ICA1: variants seen among roughly 807,000 people sequenced by gnomAD.
The protein encoded by ICA1 is 69 kDa islet cell autoantigen.
ICA1 carries 40 observed loss-of-function variants against 71.0 expected under a neutral mutation model. The ratio of observed to expected loss-of-function variants is 0.56; its 90% confidence interval spans 0.44 to 0.73. The LOEUF (loss-of-function observed/expected upper bound fraction) is 0.73, where lower values mean the gene tolerates loss of function less well. Among genes scored for constraint, ICA1 ranks in the 30% least tolerant of loss-of-function variants. The pLI, the probability that ICA1 is intolerant of heterozygous loss-of-function variation, is 0.00. For missense variants in ICA1, 578 were observed against 576.5 expected (o/e 1.00, Z -0.03); for synonymous variants, 207 against 209.5 (o/e 0.99, Z 0.10).
At chr7:8,211,627 T>C (rs1160881405) in intron 6 of ICA1, among the ~76,000 whole-genome samples, 1 of 152,218 alleles carries the variant, frequency 6.6e-6, no homozygotes, top group Non-Finnish European at 1.5e-5. Context: ...ACAATGTAAA[T>C]ACATTGATCA....
intron 5 of ICA1, chr7:8,218,910 C>G: frequency 3.6e-6 from 1 of 280,732 alleles, no homozygotes. Context: ...ATCTCTCCGA[C>G]TAGGCCATTT....
intron 12 of ICA1, among the ~76,000 whole-genome samples, chr7:8,129,098 T>C (rs1790440136): frequency 6.6e-6 from 1 of 152,230 alleles, no homozygotes; most frequent in Admixed American, 6.5e-5. Flanking sequence ...ACAAGTAGCA[T>C]TACTATCAGA....
At chr7:8,114,142 T>C (rs553837270) in intron 13 of ICA1, 98 bp from the exon 14 acceptor site, 36 of 1,317,792 alleles carry the variant, frequency 2.7e-5, no homozygotes, top group South Asian at 3.6e-5. Flanking sequence ...CAAATGCAGA[T>C]TGTTCAATCA....
chr7:8,237,933 AAC>A (rs1802402312), intron 1 of ICA1, among the ~76,000 whole-genome samples: 1 of 152,120 alleles, frequency 6.6e-6, no homozygotes. Context: ...TGCTGCAATA[AAC>A]ACAGTATACA....
intron 1 of ICA1, among the ~76,000 whole-genome samples, chr7:8,252,485 T>C (rs1808515666): frequency 6.6e-6 from 1 of 152,182 alleles, no homozygotes; most frequent in African/African-American, 2.4e-5. Flanking sequence ...ATTGACTTTA[T>C]CATCTAAGAC....
chr7:8,194,573 T>C (rs910766858), intron 6 of ICA1, among the ~76,000 whole-genome samples: 1 of 152,200 alleles, frequency 6.6e-6, no homozygotes, highest in African/African-American at 2.4e-5. Flanking sequence ...AAAATGTTAC[T>C]TCTTCTTGAC....
intron 6 of ICA1, among the ~76,000 whole-genome samples, chr7:8,205,985 G>A (rs1242118763): frequency 6.6e-6 from 1 of 151,946 alleles, no homozygotes. Flanking sequence ...TCAAATAGCT[G>A]CCCCCTCCAC....
intron 6 of ICA1, among the ~76,000 whole-genome samples, chr7:8,171,261 GC>G (rs1388911960): frequency 6.6e-6 from 1 of 151,822 alleles, no homozygotes; most frequent in East Asian, 1.9e-4. Flanking sequence ...TATGAGTGAA[GC>G]CATATAGAAC....
intron 8 of ICA1, among the ~76,000 whole-genome samples, chr7:8,155,053 T>C (rs920108981): frequency 6.6e-6 from 1 of 152,232 alleles, no homozygotes; most frequent in Non-Finnish European, 1.5e-5. Flanking sequence ...TCTAATGTGA[T>C]ATGTCATCAT....
intron 6 of ICA1, among the ~76,000 whole-genome samples, chr7:8,215,578 T>C (rs1052430397): frequency 6.6e-6 from 1 of 152,212 alleles, no homozygotes; most frequent in African/African-American, 2.4e-5. Flanking sequence ...TACTGCTGTA[T>C]TCCCCTGGAT....
intron 1 of ICA1, among the ~76,000 whole-genome samples, chr7:8,244,459 AG>A (rs1805171814): frequency 6.6e-6 from 1 of 152,250 alleles, no homozygotes. Context: ...AAAACCCTAG[AG>A]GAAAACCTAG....
At chr7:8,240,220 C>CTGTTCTGCAATATTTGT (rs1455691768) in intron 1 of ICA1, among the ~76,000 whole-genome samples, 5 of 152,148 alleles carry the variant, frequency 3.3e-5, no homozygotes, top group African/African-American at 1.2e-4. Context: ...GCAATATTTG[C>CTGTTCTGCAATATTTGT]TGTTCTGCAA....
At chr7:8,189,335 T>C (rs562610513) in intron 6 of ICA1, among the ~76,000 whole-genome samples, 177 of 152,298 alleles carry the variant, frequency 1.2e-3, no homozygotes, top group African/African-American at 4.1e-3. Flanking sequence ...TACAATCCTA[T>C]TGTCTTACAG....
chr7:8,121,134 A>G (rs1366991571), intron 13 of ICA1, among the ~76,000 whole-genome samples: 3 of 152,194 alleles, frequency 2.0e-5, no homozygotes, highest in Admixed American at 6.5e-5. Flanking sequence ...GCCCTCAGTA[A>G]ACCTAAGCTG....
chr7:8,175,264 G>A (rs942024831), intron 6 of ICA1, among the ~76,000 whole-genome samples: 5 of 152,130 alleles, frequency 3.3e-5, no homozygotes, highest in Non-Finnish European at 7.3e-5. Flanking sequence ...AGGAAAAAGA[G>A]GGAAGAATCT....
At chr7:8,153,565 G>A (rs1010345871) in intron 8 of ICA1, among the ~76,000 whole-genome samples, 5 of 151,948 alleles carry the variant, frequency 3.3e-5, no homozygotes, top group South Asian at 2.1e-4. Context: ...TGACATCCTC[G>A]AAAGATGAAG....
intron 6 of ICA1, among the ~76,000 whole-genome samples, chr7:8,191,317 G>A (rs1242576150): frequency 6.6e-6 from 1 of 152,142 alleles, no homozygotes; most frequent in Non-Finnish European, 1.5e-5. Context: ...GATTTGCCAT[G>A]GTTTGATTTA....
chr7:8,163,860 C>A lies in ICA1; in HGVS notation c.580-5208G>T, dbSNP rs192377374. Among the ~76,000 whole-genome samples, 99 of 152,242 alleles carry A rather than the reference C, an allele frequency of 6.5e-4. 1 individual carries two copies. Among genetic ancestry groups the A allele is most frequent in the African/African-American group, 2.3e-3 (96 of 41,534 alleles). ...GTTGGGGCACATCCTGGAGCAGCACCTTGTTGGCGTGCTCAGGATTTTAAT... is the reference window on the plus strand; with the variant it reads ...GTTGGGGCACATCCTGGAGCAGCACATTGTTGGCGTGCTCAGGATTTTAAT... On this transcript the variant is annotated intron_variant, in intron 6 of 13. Coordinates refer to ENST00000402384, the MANE Select transcript of ICA1 (RefSeq NM_001136020.3).
rs910544212 is a variant in ICA1 at position 8,199,330 on chromosome 7, G to T, written c.579+18975C>A. Among the ~76,000 whole-genome samples, 174 of 152,110 alleles carry T rather than the reference G, an allele frequency of 1.1e-3. 3 individuals carry two copies. The highest frequency in any genetic ancestry group is 3.5e-4 in the Non-Finnish European group (24 of 68,016). ...TGGCTGTTCACTACAGCTATGATTT[G>T]GAAGCAACCTAAGTGTCCATCAATA... On this transcript the variant is annotated intron_variant, in intron 6 of 13. Coordinates refer to ENST00000402384, the MANE Select transcript of ICA1 (RefSeq NM_001136020.3).
Sources: gnomAD v4.1 joint callset for allele counts (sites outside exome capture counted in the v4.1 genomes callset) on GRCh38, gnomAD v4.1.1 for gene constraint, MANE v1.5 for transcripts, NCBI Gene and HGNC (gene_info 2026-07-23, HGNC 2026-07-21) for gene names.